Variants in FAM135A observed in about 807,000 individuals in gnomAD.
FAM135A encodes the protein family with sequence similarity 135 member A.
A neutral mutation model predicts 146.8 loss-of-function variants in FAM135A; 79 were observed. The ratio of observed to expected loss-of-function variants is 0.54; its 90% CI spans 0.45 to 0.65. The LOEUF (loss-of-function observed/expected upper bound fraction) is 0.65. FAM135A is among the 30% of genes least tolerant of loss of function. FAM135A has a pLI of 0.00. For synonymous variants in FAM135A, 562 were observed against 603.6 expected (o/e 0.93, Z 1.01); for missense variants, 1,623 against 1,758.2 (o/e 0.92, Z 1.38).
intron 4 of FAM135A, among the ~76,000 whole-genome samples, chr6:70,434,170 C>A (rs913529430): frequency 6.6e-6 from 1 of 152,268 alleles, no homozygotes. Context: ...ATTCAAAATA[C>A]ATTTGTCAAG....
At chr6:70,498,715 G>A (rs1787868205) in intron 11 of FAM135A, among the ~76,000 whole-genome samples, 1 of 152,090 alleles carries the variant, frequency 6.6e-6, no homozygotes, top group South Asian at 2.1e-4. Context: ...CTTTATTTCT[G>A]CCTTAATTTC....
At chr6:70,522,632 C>A in intron 13 of FAM135A, 46 bp downstream of exon 13, 1 of 1,410,524 alleles carries the variant, frequency 7.1e-7, no homozygotes. Flanking sequence ...CTTCCTTTTA[C>A]ATAAGATACC....
intron 4 of FAM135A, among the ~76,000 whole-genome samples, chr6:70,444,248 CA>C (rs1775207449): frequency 6.6e-6 from 1 of 151,970 alleles, no homozygotes; most frequent in Non-Finnish European, 1.5e-5. Flanking sequence ...GCTAAAAATA[CA>C]AAAATTAGCT....
At chr6:70,556,946 A>G (rs1412517947) in intron 21 of FAM135A, 83 bp downstream of exon 21, 12 of 924,826 alleles carry the variant, frequency 1.3e-5, no homozygotes, top group Non-Finnish European at 1.9e-5. Context: ...TTTCTCTCGT[A>G]TCTGTCACCC....
At chr6:70,522,364 T>G (rs555590923) in intron 12 of FAM135A, 149 bp from the exon 13 acceptor site, 1 of 652,850 alleles carries the variant, frequency 1.5e-6, no homozygotes, top group Non-Finnish European at 2.7e-6. Flanking sequence ...AAAAATACAT[T>G]GGCAACACTG....
In FAM135A at chr6:70,523,955, A is replaced by C. The variant is rs1355184739; in HGVS notation, c.1104-12A>C. ...TTCTAAATTACAATCTGACTGAAGA[A>C]ATATTTTTCAGTGCTCAGAGTCATC... On this transcript the variant is annotated splice_polypyrimidine_tract_variant and intron_variant, in intron 13 of 21. Coordinates refer to ENST00000418814, the MANE Select transcript of FAM135A (RefSeq NM_001162529.3). 3 of 1,591,664 alleles carry C rather than the reference A, an allele frequency of 1.9e-6. No individual in the cohort carries two copies. The African/African-American group carries it at 4.1e-5, about 22-fold the overall frequency.
intron 20 of FAM135A, among the ~76,000 whole-genome samples, chr6:70,538,943 T>G (rs1273464344): frequency 7.4e-6 from 1 of 135,150 alleles, no homozygotes; most frequent in Admixed American, 7.3e-5. Context: ...TGGATAAATC[T>G]TATTACTTAT....
intron 12 of FAM135A, among the ~76,000 whole-genome samples, chr6:70,506,915 T>G (rs1297571546): frequency 6.6e-6 from 1 of 151,952 alleles, no homozygotes; most frequent in African/African-American, 2.4e-5. Flanking sequence ...GGCAACTTTA[T>G]AGCTTGATAT....
intron 20 of FAM135A, among the ~76,000 whole-genome samples, chr6:70,543,845 AT>A (rs1798366265): frequency 6.6e-6 from 1 of 152,120 alleles, no homozygotes; most frequent in Non-Finnish European, 1.5e-5. Context: ...GATTAGTTCA[AT>A]TTTTTTCTTT....
At chr6:70,543,002 T>C (rs1158902166) in intron 20 of FAM135A, among the ~76,000 whole-genome samples, 3 of 152,214 alleles carry the variant, frequency 2.0e-5, no homozygotes, top group Non-Finnish European at 4.4e-5. Flanking sequence ...ATGTATTAAC[T>C]TCCTTTCCTT....
intron 12 of FAM135A, among the ~76,000 whole-genome samples, chr6:70,507,401 A>G (rs1047702540): frequency 7.9e-5 from 12 of 152,168 alleles, no homozygotes; most frequent in African/African-American, 2.7e-4. Flanking sequence ...TTGTACAGGG[A>G]CAGACTTAGC....
chr6:70,510,804 A>G (rs1790819031), intron 12 of FAM135A, among the ~76,000 whole-genome samples: 1 of 152,058 alleles, frequency 6.6e-6, no homozygotes, highest in Non-Finnish European at 1.5e-5. Flanking sequence ...TTGCTGAGTC[A>G]TATGGTAATT....
chr6:70,535,190 G>A (rs923504840), intron 18 of FAM135A, among the ~76,000 whole-genome samples: 12 of 152,160 alleles, frequency 7.9e-5, no homozygotes, highest in African/African-American at 2.7e-4. Flanking sequence ...AGGAAGTTCA[G>A]TTCGGGAGGG....
chr6:70,522,595 T>A lies in FAM135A; in HGVS notation c.1103+9T>A. The A allele has an allele frequency of 6.2e-7, 1 of 1,606,752 alleles. No individual in the cohort carries two copies. Among genetic ancestry groups the A allele is most frequent in the Admixed American group, 1.7e-5 (1 of 59,320 alleles). On this transcript the variant is annotated intron_variant, in intron 13 of 21. Transcript: ENST00000418814. ...GCATACCAGGAACTTCAGTGAGTAG[T>A]ATAAATTCAAAATTAAAATGATATT... is the stretch of plus-strand genomic sequence containing the variant.
chr6:70,469,916 T>C (rs1173155359), intron 5 of FAM135A, among the ~76,000 whole-genome samples: 3 of 151,832 alleles, frequency 2.0e-5, no homozygotes, highest in Non-Finnish European at 4.4e-5. Context: ...GCTTGAGCCC[T>C]GGAGGTCAAG....
intron 2 of FAM135A, among the ~76,000 whole-genome samples, chr6:70,422,659 A>AT (rs1407693891): frequency 3.9e-5 from 6 of 152,190 alleles, no homozygotes; most frequent in African/African-American, 2.4e-5. Flanking sequence ...TATCACCAAA[A>AT]TTTGTTCATG....
At chr6:70,540,450 G>A (rs1180477282) in intron 20 of FAM135A, among the ~76,000 whole-genome samples, 2 of 150,152 alleles carry the variant, frequency 1.3e-5, no homozygotes, top group Non-Finnish European at 2.9e-5. Context: ...TCAGCCTCCT[G>A]AGTAGCTGGG....
chr6:70,500,488 C>T (rs537033489), intron 11 of FAM135A, among the ~76,000 whole-genome samples: 5 of 152,272 alleles, frequency 3.3e-5, no homozygotes, highest in Admixed American at 1.3e-4. Flanking sequence ...TCTGTCAATT[C>T]GTCAGTCTCA....
intron 20 of FAM135A, among the ~76,000 whole-genome samples, chr6:70,552,520 G>A (rs1800029800): frequency 6.9e-6 from 1 of 144,094 alleles, no homozygotes; most frequent in Non-Finnish European, 1.5e-5. Flanking sequence ...TCAGGCTGGA[G>A]TACAGTGGCG....
Sources: gnomAD v4.1 joint callset for allele counts (sites outside exome capture counted in the v4.1 genomes callset) on GRCh38, gnomAD v4.1.1 for gene constraint, MANE v1.5 for transcripts, NCBI Gene and HGNC (gene_info 2026-07-23, HGNC 2026-07-21) for gene names.